The following NALF1 variants were observed in gnomAD, a reference collection of about 807,000 sequenced individuals.
NALF1 encodes the protein NALCN channel auxiliary factor 1.
A neutral mutation model predicts 48.4 loss-of-function variants in NALF1; 3 were observed. That is an observed-to-expected ratio of 0.06 (90% confidence interval 0.03 to 0.16). The LOEUF (loss-of-function observed/expected upper bound fraction) is 0.16, where lower values mean the gene tolerates loss of function less well. Among genes scored for constraint, NALF1 ranks in the 10% least tolerant of loss-of-function variants. The probability of loss-of-function intolerance (pLI) is 1.00; values close to 1 mark genes in which losing one functional copy is unlikely to be tolerated. For synonymous variants in NALF1, 262 were observed against 245.7 expected, an observed-to-expected ratio of 1.07 and a Z score of -0.62; for missense variants, 526 against 571.5, an observed-to-expected ratio of 0.92 and a Z score of 0.81.
At chr13:107,734,079 A>C (rs1876392146) in intron 1 of NALF1, among the ~76,000 whole-genome samples, 1 of 152,180 alleles carries the variant, frequency 6.6e-6, no homozygotes, top group Non-Finnish European at 1.5e-5. Context: ...AAACATAGAA[A>C]AAGTAATGTG....
rs145457088 is a variant in NALF1 at position 107,387,592 on chromosome 13, C to T, written c.916-176837G>A. ...AAAATGAACCCCCACCTCCCAAAAA[C>T]GACACCATTTCAATGATCACTTCTG... On this transcript the variant is annotated intron_variant, in intron 1 of 2. Transcript: ENST00000375915. Among the ~76,000 whole-genome samples the T allele has an allele frequency of 2.6e-4, 40 of 152,190 alleles. No homozygotes were observed. The East Asian group carries it at 3.5e-3, about 13-fold the overall frequency.
intron 1 of NALF1, among the ~76,000 whole-genome samples, chr13:107,584,541 C>T (rs1272476385): frequency 6.6e-6 from 1 of 152,104 alleles, no homozygotes; most frequent in Non-Finnish European, 1.5e-5. Flanking sequence ...TTAGAAGAGG[C>T]TTTTAAATGA....
rs573035580 is a variant in NALF1 at position 107,769,693 on chromosome 13, A to T, written c.915+95989T>A. Reference sequence around the variant, plus strand: ...TACCCTAAAACTTAAAGTATAATAAAAAAAAAAAAAGAAGAAATAAACACA... The same window carrying T: ...TACCCTAAAACTTAAAGTATAATAATAAAAAAAAAAGAAGAAATAAACACA... On this transcript the variant is annotated intron_variant, in intron 1 of 2. Transcript: ENST00000375915. Among the ~76,000 whole-genome samples, 368 of 136,710 alleles carry T rather than the reference A, an allele frequency of 2.7e-3. 4 individuals carry two copies. Among genetic ancestry groups the T allele is most frequent in the African/African-American group, 9.9e-3 (348 of 35,316 alleles). 89.7% of individuals were successfully genotyped at this position (136,710 alleles called of 152,430 possible).
At chr13:107,195,143 T>C (rs943947573) in intron 2 of NALF1, among the ~76,000 whole-genome samples, 155 of 152,298 alleles carry the variant, frequency 1.0e-3, no homozygotes, top group Middle Eastern at 3.4e-3. Flanking sequence ...ACAACCACCA[T>C]GTAAAAGAGT....
At chr13:107,524,155 C>G (rs1876349571) in intron 1 of NALF1, among the ~76,000 whole-genome samples, 1 of 152,074 alleles carries the variant, frequency 6.6e-6, no homozygotes, top group Non-Finnish European at 1.5e-5. Context: ...TCTTAACAAC[C>G]TGCACTCAAA....
chr13:107,330,318 A>G (rs551592368), intron 1 of NALF1, among the ~76,000 whole-genome samples: 193 of 152,378 alleles, frequency 1.3e-3, no homozygotes, highest in South Asian at 2.1e-3. Context: ...TGAGAAATAT[A>G]TGAGCACATT....
intron 1 of NALF1, among the ~76,000 whole-genome samples, chr13:107,818,904 G>A (rs568025156): frequency 6.3e-5 from 9 of 143,250 alleles, no homozygotes; most frequent in South Asian, 2.3e-4. Context: ...AAATCCAGTT[G>A]AGCAAATATG....
intron 1 of NALF1, among the ~76,000 whole-genome samples, chr13:107,353,079 G>C (rs902235652): frequency 6.6e-6 from 1 of 151,960 alleles, no homozygotes; most frequent in African/African-American, 2.4e-5. Context: ...TCTGCCTCCT[G>C]ACTGTTCACT....
chr13:107,290,689 T>C (rs1881603370), intron 1 of NALF1, among the ~76,000 whole-genome samples: 1 of 152,212 alleles, frequency 6.6e-6, no homozygotes, highest in Non-Finnish European at 1.5e-5. Flanking sequence ...AACAGACTAA[T>C]GTGTGAAAAC....
chr13:107,455,914 G>GT (rs1884817224), intron 1 of NALF1, among the ~76,000 whole-genome samples: 1 of 151,538 alleles, frequency 6.6e-6, no homozygotes, highest in Non-Finnish European at 1.5e-5. Flanking sequence ...ATGTGCCACA[G>GT]TTTACCCATT....
Position 107,804,980 on chromosome 13 carries a change from T to C in NALF1, c.915+60702A>G, listed in dbSNP as rs138016064. The stretch of plus-strand genomic sequence containing the variant: ...ATTACATTTACTGGGACTTAAGTAA[T>C]TGAAGACAATAACATGCATCATAAT... On this transcript the variant is annotated intron_variant, in intron 1 of 2. Transcript: ENST00000375915. 1.7e-3 allele frequency among the ~76,000 whole-genome samples: 258 copies of C among 152,256 alleles called. 1 individual carries two copies. Among genetic ancestry groups the C allele is most frequent in the African/African-American group, 6.0e-3 (248 of 41,568 alleles).
Position 107,329,549 on chromosome 13 carries a change from G to A in NALF1, c.916-118794C>T, listed in dbSNP as rs540281021. Among the ~76,000 whole-genome samples, 5 of 151,288 alleles carry A rather than the reference G, an allele frequency of 3.3e-5. No individual in the cohort carries two copies. In the South Asian group the frequency reaches 6.3e-4, roughly 19 times the overall value. ...AAGTTTTAGGGTACATGTGCACAAC[G>A]TGCAGGTTTGTTACATATGTATACA... On this transcript the variant is annotated intron_variant, in intron 1 of 2. Coordinates refer to ENST00000375915, the MANE Select transcript of NALF1 (RefSeq NM_001080396.3).
At chr13:107,342,879 C>T (rs544245820) in intron 1 of NALF1, among the ~76,000 whole-genome samples, 21 of 152,198 alleles carry the variant, frequency 1.4e-4, no homozygotes, top group South Asian at 4.1e-4. Flanking sequence ...AAATGTATGA[C>T]GCATACGTTG....
intron 1 of NALF1, among the ~76,000 whole-genome samples, chr13:107,613,918 A>T (rs6492060): frequency 0.99 from 151,329 of 152,334 alleles, 75,176 homozygotes; most frequent in Middle Eastern, 1. Context: ...CCTGTTGGCA[A>T]GTCACTTAGT....
chr13:107,573,424 G>A (rs1878047540), intron 1 of NALF1, among the ~76,000 whole-genome samples: 1 of 151,832 alleles, frequency 6.6e-6, no homozygotes. Context: ...TGATGACTGG[G>A]GCAAATACCT....
intron 1 of NALF1, among the ~76,000 whole-genome samples, chr13:107,533,441 A>G (rs1006206205): frequency 6.6e-5 from 10 of 152,094 alleles, no homozygotes; most frequent in African/African-American, 1.9e-4. Context: ...CTGCCATGAG[A>G]GGACACAGCC....
intron 1 of NALF1, among the ~76,000 whole-genome samples, chr13:107,294,647 G>A (rs911917120): frequency 1.3e-5 from 2 of 152,152 alleles, no homozygotes; most frequent in African/African-American, 4.8e-5. Flanking sequence ...CCATATTAAT[G>A]TGGAAACTGA....
chr13:107,365,594 T>C (rs1883138741), intron 1 of NALF1, among the ~76,000 whole-genome samples: 1 of 152,194 alleles, frequency 6.6e-6, no homozygotes, highest in South Asian at 2.1e-4. Flanking sequence ...TATCAAAACT[T>C]ACATTTCAAC....
At chr13:107,736,173 G>A (rs117926050) in intron 1 of NALF1, among the ~76,000 whole-genome samples, 189 of 129,820 alleles carry the variant, frequency 1.5e-3, no homozygotes, top group Non-Finnish European at 2.7e-3. Flanking sequence ...AGATGCATAC[G>A]CATGCATACA....
Sources: allele counts gnomAD v4.1 joint callset (sites outside exome capture counted in the v4.1 genomes callset), GRCh38; gene constraint gnomAD v4.1.1; transcripts MANE v1.5; gene names NCBI Gene and HGNC (gene_info 2026-07-23, HGNC 2026-07-21).